TBPL2: variants seen among roughly 807,000 people sequenced by gnomAD.
TBPL2 encodes TATA-box binding protein like 2.
In TBPL2, 40 loss-of-function variants were observed where a neutral mutation model predicts 38.2. The ratio of observed to expected loss-of-function variants is 1.05; its 90% CI spans 0.81 to 1.36. TBPL2 has a LOEUF of 1.36. Among genes scored for constraint, TBPL2 ranks in the 40% most tolerant of loss-of-function variants. TBPL2 has a pLI of 0.00. For missense variants in TBPL2, 461 were observed against 456.7 expected (o/e 1.01, Z -0.09); for synonymous variants, 169 against 171.7 (o/e 0.98, Z 0.12).
chr14:55,428,927 T>C (rs1446003678), exon 5 of TBPL2: 6 of 1,614,076 alleles, frequency 3.7e-6, no homozygotes, highest in Middle Eastern at 1.6e-4. Context: ...CCCAAGCTTC[T>C]GCACCACACG....
chr14:55,418,271 G>A (rs1487379585), intron 6 of TBPL2, among the ~76,000 whole-genome samples: 1 of 152,290 alleles, frequency 6.6e-6, no homozygotes, highest in East Asian at 1.9e-4. Flanking sequence ...CAAGTACTTG[G>A]TAGGCACCCA....
rs925715666 is a variant in TBPL2, at chr14:55,433,788, C to T, written c.697-67G>A. 1.4e-5 allele frequency: 20 copies of T among 1,422,336 alleles called. No homozygotes were observed. The South Asian group carries it at 1.5e-4, about 11-fold the overall frequency. The allele number at this position is 1,422,336 out of a possible 1,614,324, so 88.1% of individuals were successfully genotyped here. On this transcript the variant is annotated intron_variant, in intron 3 of 6. Transcript: ENST00000247219. ...TTAACATTATCCCAGTTGAAAAAGC[C>T]GAGCTGAATATGAAAATCTCAAACA...
chr14:55,415,661 T>C (rs867826537), intron 6 of TBPL2, among the ~76,000 whole-genome samples: 3 of 151,954 alleles, frequency 2.0e-5, no homozygotes, highest in African/African-American at 4.8e-5. Flanking sequence ...GGTCAGGAGT[T>C]CAAGACCAGC....
intron 4 of TBPL2, among the ~76,000 whole-genome samples, chr14:55,429,749 A>G (rs1394338813): frequency 6.9e-6 from 1 of 144,826 alleles, no homozygotes; most frequent in Non-Finnish European, 1.5e-5. Context: ...CTAGGCAACA[A>G]GAGTGAAACT....
At chr14:55,415,797 CG>C (rs1391357062) in intron 6 of TBPL2, among the ~76,000 whole-genome samples, 1 of 151,960 alleles carries the variant, frequency 6.6e-6, no homozygotes, top group African/African-American at 2.4e-5. Flanking sequence ...ATTTGGGAGG[CG>C]GGGGTTGCAA....
At chr14:55,416,745 G>A (rs761323973) in intron 6 of TBPL2, among the ~76,000 whole-genome samples, 3 of 152,154 alleles carry the variant, frequency 2.0e-5, no homozygotes, top group South Asian at 2.1e-4. Context: ...AGCTGCATTC[G>A]TCTTGAACAA....
intron 6 of TBPL2, among the ~76,000 whole-genome samples, chr14:55,423,564 G>A (rs1299763208): frequency 2.0e-5 from 3 of 152,238 alleles, no homozygotes. Context: ...GCTGGCTAAA[G>A]CCATCCTGCT....
At chr14:55,424,127 T>C (rs1163926304) in intron 6 of TBPL2, 32 bp downstream of exon 6, 3 of 1,512,982 alleles carry the variant, frequency 2.0e-6, no homozygotes, top group Non-Finnish European at 2.8e-6. Flanking sequence ...GCAATTACAT[T>C]TTATGAGTCA....
chr14:55,422,863 A>G lies in TBPL2; in HGVS notation c.1051+1296T>C, dbSNP rs1191625849. On this transcript the variant is annotated intron_variant, in intron 6 of 6. Coordinates refer to ENST00000247219, the Ensembl canonical transcript of TBPL2. ...GTGAGACTCTGTCTCAAAAACAAAAACAAACAAACAAACAACAATATATAT... is the reference window on the plus strand; with the variant it reads ...GTGAGACTCTGTCTCAAAAACAAAAGCAAACAAACAAACAACAATATATAT... Among the ~76,000 whole-genome samples, 89 of 152,242 alleles carry G rather than the reference A, an allele frequency of 5.8e-4. 1 individual carries two copies. The highest frequency in any genetic ancestry group is 5.8e-3 in the Admixed American group (89 of 15,290).
intron 1 of TBPL2, among the ~76,000 whole-genome samples, chr14:55,439,869 T>TGCA (rs1886081028): frequency 7.0e-6 from 1 of 142,386 alleles, no homozygotes; most frequent in South Asian, 2.2e-4. Context: ...AGGCAGAGCT[T>TGCA]GCAGTGAGCC....
At chr14:55,431,016 C>T (rs1885916604) in intron 4 of TBPL2, among the ~76,000 whole-genome samples, 1 of 152,284 alleles carries the variant, frequency 6.6e-6, no homozygotes, top group African/African-American at 2.4e-5. Context: ...GTTCATTGTA[C>T]AAACATTAGA....
chr14:55,429,708 G>A (rs1028042783), intron 4 of TBPL2, among the ~76,000 whole-genome samples: 3 of 138,956 alleles, frequency 2.2e-5, no homozygotes, highest in African/African-American at 7.8e-5. Flanking sequence ...AGAGGTTGCA[G>A]TGAGCTGAGA....
chr14:55,435,603 A>G (rs1886000324), intron 3 of TBPL2, among the ~76,000 whole-genome samples: 1 of 152,184 alleles, frequency 6.6e-6, no homozygotes, highest in Non-Finnish European at 1.5e-5. Context: ...ATACTAAAAA[A>G]TATTTTTGAA....
chr14:55,424,108 A>G (rs1207431474), intron 6 of TBPL2, 51 bp downstream of exon 6: 1 of 1,288,504 alleles, frequency 7.8e-7, no homozygotes, highest in South Asian at 1.2e-5. Flanking sequence ...TAAGCAAAGC[A>G]CATGCATAGC....
At chr14:55,439,504 G>C (rs1325042656) in intron 1 of TBPL2, among the ~76,000 whole-genome samples, 1 of 35,172 alleles carries the variant, frequency 2.8e-5, no homozygotes, top group Non-Finnish European at 5.6e-5. Context: ...AGAACCAGGC[G>C]GGGGGCCAGG....
intron 5 of TBPL2, 37 bp downstream of exon 5, chr14:55,428,770 T>A: frequency 6.3e-7 from 1 of 1,579,260 alleles, no homozygotes; most frequent in Non-Finnish European, 8.6e-7. Flanking sequence ...TTAAATATCT[T>A]GGTAAATTCA....
At position 55,437,000 on chromosome 14, in the gene TBPL2, TGGGTGGG is replaced by T; in HGVS notation, c.162_168del (p.Pro55GlyfsTer16). 6.2e-7 allele frequency: 1 copy of T among 1,614,032 alleles called. No individual in the cohort carries two copies. The highest frequency in any genetic ancestry group is 8.5e-7 in the Non-Finnish European group (1 of 1,179,894). On this transcript the variant is annotated frameshift_variant, in exon 2 of 7. Coordinates refer to ENST00000247219, the Ensembl canonical transcript of TBPL2. LOFTEE classifies it high-confidence loss of function. ...ACAACTGGGCTGAACAGGGGAGACC[TGGGTGGG>T]GCAAGGCCATCCTAGGCAGTTCCCA... is the stretch of plus-strand genomic sequence containing the variant.
At chr14:55,434,783 G>C (rs956360896) in intron 3 of TBPL2, among the ~76,000 whole-genome samples, 1 of 152,122 alleles carries the variant, frequency 6.6e-6, no homozygotes, top group African/African-American at 2.4e-5. Flanking sequence ...AACAATACTA[G>C]GGCAACAGCA....
chr14:55,429,364 TG>T (rs1366223695), intron 4 of TBPL2, among the ~76,000 whole-genome samples: 1 of 152,196 alleles, frequency 6.6e-6, no homozygotes, highest in Non-Finnish European at 1.5e-5. Context: ...GCAGAAACTC[TG>T]GGGGTGGGGC....
Sources: allele counts gnomAD v4.1 joint callset (sites outside exome capture counted in the v4.1 genomes callset), GRCh38; gene constraint gnomAD v4.1.1; transcripts MANE v1.5; gene names NCBI Gene and HGNC (gene_info 2026-07-23, HGNC 2026-07-21).